ZCCHC2: variants seen among roughly 807,000 people sequenced by gnomAD.
ZCCHC2 encodes the protein zinc finger CCHC-type containing 2.
Under a neutral mutation model 103.6 loss-of-function variants are expected in ZCCHC2, and 39 were observed. The ratio of observed to expected loss-of-function variants is 0.38; its 90% CI spans 0.29 to 0.49. ZCCHC2 has a LOEUF of 0.49. Ranked by LOEUF, ZCCHC2 falls within the 20% of genes least tolerant of loss-of-function variation. ZCCHC2 has a pLI of 0.96. For synonymous variants in ZCCHC2, 687 were observed against 608.9 expected, an observed-to-expected ratio of 1.13 and a Z score of -1.89; for missense variants, 1,483 against 1,491.0, an observed-to-expected ratio of 0.99 and a Z score of 0.09.
At chr18:62,539,355 G>A (rs747356411) in intron 1 of ZCCHC2, among the ~76,000 whole-genome samples, 4 of 152,090 alleles carry the variant, frequency 2.6e-5, no homozygotes, top group African/African-American at 4.8e-5. Flanking sequence ...TACACATGCC[G>A]TTCCCTATGG....
At chr18:62,525,530 T>G (rs1481709321) in intron 1 of ZCCHC2, 1 of 152,190 alleles carries the variant, frequency 6.6e-6, no homozygotes, top group Non-Finnish European at 1.5e-5. Flanking sequence ...CTGCTGTCAT[T>G]CAGTACCCCA....
At chr18:62,566,515 C>T (rs1008373191) in intron 11 of ZCCHC2, among the ~76,000 whole-genome samples, 4 of 152,190 alleles carry the variant, frequency 2.6e-5, no homozygotes, top group African/African-American at 4.8e-5. Flanking sequence ...CTTTCTAGTT[C>T]ATTTTCCATA....
intron 1 of ZCCHC2, among the ~76,000 whole-genome samples, chr18:62,526,576 C>G (rs1310048687): frequency 2.0e-5 from 3 of 152,176 alleles, no homozygotes; most frequent in Admixed American, 2.0e-4. Context: ...GAGTTAAGCC[C>G]TCATTCGCTG....
intron 12 of ZCCHC2, among the ~76,000 whole-genome samples, chr18:62,572,308 G>A (rs146580955): frequency 2.2e-4 from 33 of 152,314 alleles, no homozygotes; most frequent in African/African-American, 7.2e-4. Context: ...GGATAAGCAG[G>A]TGACTCTGTG....
chr18:62,575,507 T>C lies in ZCCHC2; in HGVS notation c.3426T>C (p.Tyr1142=), dbSNP rs79670402. Reference sequence around the variant, plus strand: ...ACAATTGTGGTGTAAGCGGACACTATGCACAGGACTGTAAGCAGTCGTCCA... The same window carrying C: ...ACAATTGTGGTGTAAGCGGACACTACGCACAGGACTGTAAGCAGTCGTCCA... ...SCYNCGVSGH[Y]AQDCKQSSME... The change falls in exon 13 of 14, where the codon TAT becomes TAC. Residue 1142 remains tyrosine, a synonymous_variant. Transcript: ENST00000269499. 5.2e-3 allele frequency: 8,348 copies of C among 1,614,024 alleles called. 112 individuals carry two copies. The highest frequency in any genetic ancestry group is 0.04 in the Admixed American group (2,391 of 60,018).
intron 8 of ZCCHC2, among the ~76,000 whole-genome samples, chr18:62,561,668 ACT>A (rs1267644649): frequency 1.3e-5 from 2 of 152,292 alleles, no homozygotes; most frequent in East Asian, 3.9e-4. Context: ...TCCCAAATAA[ACT>A]CTGTTATGCT....
At chr18:62,541,253 A>C (rs1038781463) in intron 2 of ZCCHC2, among the ~76,000 whole-genome samples, 1 of 152,188 alleles carries the variant, frequency 6.6e-6, no homozygotes, top group Non-Finnish European at 1.5e-5. Context: ...TCTGGCCCGC[A>C]AAGGGGAAAC....
intron 1 of ZCCHC2, among the ~76,000 whole-genome samples, chr18:62,534,361 C>T (rs544935398): frequency 7.1e-4 from 107 of 151,342 alleles, no homozygotes; most frequent in Middle Eastern, 3.4e-3. Flanking sequence ...GTTAATTGAG[C>T]TTTTGTGTGT....
chr18:62,575,425 A>G lies in ZCCHC2; in HGVS notation c.3344A>G (p.Asn1115Ser). The G allele has an allele frequency of 6.2e-7, 1 of 1,614,034 alleles. No individual in the cohort carries two copies. The highest frequency in any genetic ancestry group is 8.5e-7 in the Non-Finnish European group (1 of 1,179,896). The change falls in exon 13 of 14, where the codon AAC (asparagine) becomes AGC (serine). Residue 1115 changes from asparagine (N) to serine (S), a missense_variant. Physicochemically the swap from Asn to Ser is conservative, Grantham distance 46 (BLOSUM62 1). Coordinates refer to ENST00000269499, the MANE Select transcript of ZCCHC2 (RefSeq NM_017742.6). The part of the protein sequence containing the change: ...GRFYPVYPAP[N>S]VVANTSGSGP... ...TTCTATCCTGTATATCCAGCACCTA[A>G]CGTAGTTGCCAACACCAGTGGTTCG...
chr18:62,523,376 G>GGGGGGGGGCCCC lies in ZCCHC2; in HGVS notation c.-49_-48insGGGGGGGGCCCC. 2.2e-5 allele frequency: 22 copies of GGGGGGGGGCCCC among 1,012,344 alleles called. No homozygotes were observed. The highest frequency in any genetic ancestry group is 2.4e-5 in the Non-Finnish European group (20 of 848,980). 62.7% of individuals were successfully genotyped at this position (1,012,344 alleles called of 1,614,324 possible). On this transcript the variant is annotated 5_prime_UTR_variant, in exon 1 of 14. Transcript: ENST00000269499. ...GCCTCGGCCCGTGCTCCACCTCGCG[G>GGGGGGGGGCCCC]CCCCTCCCGCCCGCCCCCGCTCGCA...
chr18:62,540,576 T>C (rs1382072461), intron 2 of ZCCHC2, among the ~76,000 whole-genome samples: 1 of 152,172 alleles, frequency 6.6e-6, no homozygotes, highest in Non-Finnish European at 1.5e-5. Context: ...ACGGTACTCC[T>C]ATCTTCCCAA....
Position 62,570,249 on chromosome 18 carries a change from G to C in ZCCHC2, c.1975+18G>C, listed in dbSNP as rs373183763. 1.2e-6 allele frequency: 2 copies of C among 1,609,332 alleles called. No individual in the cohort carries two copies. The highest frequency in any genetic ancestry group is 2.7e-5 in the African/African-American group (2 of 74,984). On this transcript the variant is annotated intron_variant, in intron 12 of 13. Transcript: ENST00000269499. ...AGACAGAGGTTTGCTCTTTGAAGTG[G>C]GAGTATTGTTGGCATGGCAGGGGTG...
At chr18:62,542,991 C>G (rs181724993) in intron 3 of ZCCHC2, among the ~76,000 whole-genome samples, 2 of 152,224 alleles carry the variant, frequency 1.3e-5, no homozygotes, top group East Asian at 3.9e-4. Flanking sequence ...TTTTGGTGCC[C>G]GTCCTTTCCA....
intron 6 of ZCCHC2, among the ~76,000 whole-genome samples, chr18:62,556,556 C>G (rs1915892416): frequency 1.3e-5 from 2 of 152,230 alleles, no homozygotes; most frequent in Admixed American, 1.3e-4. Flanking sequence ...CCTTCATTTC[C>G]TGGGCAGGAA....
exon 15 of ZCCHC2, chr18:62,584,506 A>G (rs1017716483): frequency 3.3e-5 from 5 of 152,196 alleles, no homozygotes; most frequent in African/African-American, 9.7e-5. Context: ...GAGATTGCTC[A>G]TTGGAACGCA....
At chr18:62,529,216 C>G (rs1463238944) in intron 1 of ZCCHC2, among the ~76,000 whole-genome samples, 2 of 150,498 alleles carry the variant, frequency 1.3e-5, no homozygotes. Context: ...CTAATGCTCA[C>G]TGGTAATATT....
intron 1 of ZCCHC2, among the ~76,000 whole-genome samples, chr18:62,526,591 C>T (rs1285712727): frequency 6.6e-5 from 10 of 152,192 alleles, no homozygotes; most frequent in Admixed American, 6.5e-4. Context: ...TCGCTGCAGT[C>T]CGGCCCAGCT....
At chr18:62,549,173 C>T (rs989484837) in intron 4 of ZCCHC2, among the ~76,000 whole-genome samples, 11 of 151,766 alleles carry the variant, frequency 7.2e-5, no homozygotes, top group African/African-American at 1.2e-4. Flanking sequence ...GAGCCGAGAT[C>T]GCGCCACTGC....
In ZCCHC2 at chr18:62,562,992, A is replaced by C; in HGVS notation, c.1551-17A>C. 1 of 1,598,364 alleles carries C rather than the reference A, an allele frequency of 6.3e-7. No homozygotes were observed. Among genetic ancestry groups the C allele is most frequent in the Non-Finnish European group, 8.6e-7 (1 of 1,167,100 alleles). ...TGAGGGCAGATTTTCACACTTTCATAAACTTTTCTTTGGTAGCAATATTGG... is the reference window on the plus strand; with the variant it reads ...TGAGGGCAGATTTTCACACTTTCATCAACTTTTCTTTGGTAGCAATATTGG... On this transcript the variant is annotated splice_polypyrimidine_tract_variant and intron_variant, in intron 8 of 13. Coordinates refer to ENST00000269499, the MANE Select transcript of ZCCHC2 (RefSeq NM_017742.6).
Sources: gnomAD v4.1 joint callset for allele counts (sites outside exome capture counted in the v4.1 genomes callset) on GRCh38, gnomAD v4.1.1 for gene constraint, MANE v1.5 for transcripts, NCBI Gene and HGNC (gene_info 2026-07-23, HGNC 2026-07-21) for gene names.